Variants in SLC28A1 observed in about 807,000 individuals in gnomAD.
The protein encoded by SLC28A1 is sodium/nucleoside cotransporter 1.
In SLC28A1, 64 loss-of-function variants were observed where a neutral mutation model predicts 74.8. That is an observed-to-expected ratio of 0.86 (90% CI 0.70 to 1.05). The LOEUF (loss-of-function observed/expected upper bound fraction) is 1.05, where lower values mean the gene tolerates loss of function less well. Among genes scored for constraint, SLC28A1 ranks in the 50% least tolerant of loss-of-function variants. The pLI, the probability that SLC28A1 is intolerant of heterozygous loss-of-function variation, is 0.00. For missense variants in SLC28A1, 828 were observed against 822.8 expected, an observed-to-expected ratio of 1.01 and a Z score of -0.08; for synonymous variants, 359 against 335.0, an observed-to-expected ratio of 1.07 and a Z score of -0.78.
At chr15:84,973,046 GCTGACAAGGCCCTGCATGGT>G in the SLC28A1 span, among the ~76,000 whole-genome samples, 63 of 149,878 alleles carry the variant, frequency 4.2e-4, no homozygotes, top group African/African-American at 1.6e-3. Flanking sequence ...CCTTGTCATG[GCTGACAAGGCCCTGCATGGT>G]CTGACTTTAT....
At chr15:84,921,794 C>A (rs1437316458) in intron 11 of SLC28A1, among the ~76,000 whole-genome samples, 1 of 151,948 alleles carries the variant, frequency 6.6e-6, no homozygotes, top group African/African-American at 2.4e-5. Context: ...TGTTTTTAGC[C>A]GATGAAGATA....
rs200612003 is a variant in SLC28A1, at chr15:84,944,591, C to T, written c.1689C>T (p.Ser563=). ...GLTSMVPQRK[S]DFSQIVLRAL... ...CCTCCATGGTCCCCCAACGGAAGAG[C>T]GACTTCTCCCAGATAGTGCTCCGGG... The change falls in exon 17 of 19, where the codon AGC becomes AGT. Residue 563 remains serine, a synonymous_variant. Coordinates refer to ENST00000394573, the MANE Select transcript of SLC28A1 (RefSeq NM_004213.5). The T allele has an allele frequency of 3.8e-5, 62 of 1,613,792 alleles. No individual in the cohort carries two copies. In the East Asian group the frequency reaches 5.8e-4, roughly 15 times the overall value.
chr15:84,946,549 G>A (rs1411702219), downstream of SLC28A1, among the ~76,000 whole-genome samples: 1 of 152,098 alleles, frequency 6.6e-6, no homozygotes, highest in East Asian at 1.9e-4. Context: ...GGCAGGATTT[G>A]AGCCAGGCCA....
downstream of SLC28A1, among the ~76,000 whole-genome samples, chr15:84,950,319 G>A (rs138609096): frequency 2.2e-3 from 324 of 150,204 alleles, 2 homozygotes; most frequent in African/African-American, 7.2e-3. Context: ...CACTTGACCC[G>A]TGTAGAAAGA....
the SLC28A1 span, among the ~76,000 whole-genome samples, chr15:84,974,508 T>C: frequency 6.6e-6 from 1 of 152,182 alleles, no homozygotes; most frequent in African/African-American, 2.4e-5. Flanking sequence ...GGCAGGGGTT[T>C]GGGGAGGTGT....
At position 84,932,478 on chromosome 15, in the gene SLC28A1, TG is replaced by T. The variant is rs572796978; in HGVS notation, c.1084-665del. ...CAGAAGGAGACTGAGGGTCAAACGG[TG>T]GCTGTCATAGAGGCAGATTTCCTGA... On this transcript the variant is annotated intron_variant, in intron 12 of 18. Coordinates refer to ENST00000394573, the MANE Select transcript of SLC28A1 (RefSeq NM_004213.5). Among the ~76,000 whole-genome samples, 12 of 152,294 alleles carry T rather than the reference TG, an allele frequency of 7.9e-5. No individual in the cohort carries two copies. In the South Asian group the frequency reaches 2.5e-3, roughly 32 times the overall value.
intron 9 of SLC28A1, among the ~76,000 whole-genome samples, chr15:84,916,900 C>G (rs370957421): frequency 1.3e-5 from 2 of 151,816 alleles, no homozygotes; most frequent in Non-Finnish European, 2.9e-5. Flanking sequence ...TGGCAGCAAG[C>G]GCCTGTAATC....
At position 84,940,124 on chromosome 15, in the gene SLC28A1, G is replaced by T. The variant is rs74923527; in HGVS notation, c.1582-3321G>T. ...ATTACAGGCATGAGCCACCACGCCC[G>T]GCTCCAGTGGTGTTTAGTTAACAAA... On this transcript the variant is annotated intron_variant, in intron 15 of 18. Transcript: ENST00000394573. Among the ~76,000 whole-genome samples, 447 of 152,222 alleles carry T rather than the reference G, an allele frequency of 2.9e-3. 16 individuals are homozygous for T. In the East Asian group the frequency reaches 0.072, roughly 25 times the overall value.
chr15:84,895,788 A>G lies in SLC28A1; in HGVS notation c.461+665A>G, dbSNP rs1026527804. The G allele has an allele frequency of 1.2e-5, 14 of 1,180,034 alleles. 2 individuals carry two copies. The highest frequency in any genetic ancestry group is 3.7e-4 in the Middle Eastern group (1 of 2,710). The allele number at this position is 1,180,034 out of a possible 1,614,324, so 73.1% of individuals were successfully genotyped here. On this transcript the variant is annotated intron_variant, in intron 6 of 18. Transcript: ENST00000394573. ...AAAACAGTTTCTATGGCTTAAAAAA[A>G]AGTCTGAAGACCACCAGTCTATTTC...
chr15:84,926,563 T>G (rs1232867638), intron 12 of SLC28A1: 1 of 454,570 alleles, frequency 2.2e-6, no homozygotes, highest in African/African-American at 2.0e-5. Context: ...GATATAGGGA[T>G]ATTCTCACAA....
chr15:84,927,746 G>T (rs907396870), intron 12 of SLC28A1, among the ~76,000 whole-genome samples: 1 of 152,278 alleles, frequency 6.6e-6, no homozygotes, highest in South Asian at 2.1e-4. Flanking sequence ...AAGGAGAATT[G>T]GACTGATAAA....
the SLC28A1 span, chr15:84,975,433 C>T: frequency 4.0e-5 from 18 of 454,946 alleles, 1 homozygote; most frequent in South Asian, 2.0e-4. Context: ...ATAATAGCAG[C>T]GATGGTTGTT....
At chr15:84,911,152 C>A (rs1349546422) in intron 9 of SLC28A1, among the ~76,000 whole-genome samples, 1 of 152,246 alleles carries the variant, frequency 6.6e-6, no homozygotes, top group Non-Finnish European at 1.5e-5. Flanking sequence ...CACTGGCCCG[C>A]GTCTCTCCTG....
chr15:84,891,180 A>C (rs1199273399), intron 5 of SLC28A1, among the ~76,000 whole-genome samples: 2 of 152,136 alleles, frequency 1.3e-5, no homozygotes, highest in African/African-American at 4.8e-5. Flanking sequence ...GGGACCCTGG[A>C]AGGAGGGCAG....
In SLC28A1 at chr15:84,944,592, G is replaced by A. The variant is rs1410913981; in HGVS notation, c.1690G>A (p.Asp564Asn). 5.6e-6 allele frequency: 9 copies of A among 1,613,836 alleles called. No individual in the cohort carries two copies. The highest frequency in any genetic ancestry group is 2.2e-5 in the East Asian group (1 of 44,894). The stretch of plus-strand genomic sequence containing the variant: ...CTCCATGGTCCCCCAACGGAAGAGC[G>A]ACTTCTCCCAGATAGTGCTCCGGGC... ...LTSMVPQRKSDFSQIVLRALF... is the reference protein window; with the variant it reads ...LTSMVPQRKSNFSQIVLRALF... Residue 564 changes from aspartate (D) to asparagine (N), a missense_variant, in exon 17 of 19, where the codon GAC becomes AAC. Asp to Asn is a conservative substitution (Grantham distance 23). Transcript: ENST00000394573.
intron 6 of SLC28A1, among the ~76,000 whole-genome samples, chr15:84,902,151 CT>C (rs1375465363): frequency 6.6e-6 from 1 of 152,110 alleles, no homozygotes; most frequent in Non-Finnish European, 1.5e-5. Flanking sequence ...AAACTTCTTT[CT>C]TTTCTTTTTT....
chr15:84,957,386 C>G, the SLC28A1 span, among the ~76,000 whole-genome samples: 10 of 152,302 alleles, frequency 6.6e-5, no homozygotes, highest in Middle Eastern at 3.4e-3. Context: ...TGTGCCTCAG[C>G]CTCCTGAGTG....
chr15:84,924,904 T>G lies in SLC28A1; in HGVS notation c.1083+794T>G, dbSNP rs748838803. ...TGATTTTATTTTTTATTAATTTTTT[T>G]TGTTTGTTTGTTTTTGAGACGGAGT... On this transcript the variant is annotated intron_variant, in intron 12 of 18. Coordinates refer to ENST00000394573, the MANE Select transcript of SLC28A1 (RefSeq NM_004213.5). Among the ~76,000 whole-genome samples the G allele has an allele frequency of 6.3e-3, 906 of 144,102 alleles. 7 individuals carry two copies. The highest frequency in any genetic ancestry group is 8.0e-3 in the Admixed American group (117 of 14,600). The allele number at this position is 144,102 out of a possible 152,430, so 94.5% of individuals were successfully genotyped here.
chr15:84,944,557 C>T lies in SLC28A1; in HGVS notation c.1664-9C>T. ...TTCCCAGGCCCTGAGCACTTCTGTCCCCTTGCAGCCTCCATGGTCCCCCAA... is the reference window on the plus strand; with the variant it reads ...TTCCCAGGCCCTGAGCACTTCTGTCTCCTTGCAGCCTCCATGGTCCCCCAA... On this transcript the variant is annotated splice_polypyrimidine_tract_variant and intron_variant, in intron 16 of 18. Transcript: ENST00000394573. 1.2e-6 allele frequency: 2 copies of T among 1,604,910 alleles called. No homozygotes were observed. Among genetic ancestry groups the T allele is most frequent in the Non-Finnish European group, 1.7e-6 (2 of 1,171,892 alleles).
Sources: allele counts gnomAD v4.1 joint callset (sites outside exome capture counted in the v4.1 genomes callset), GRCh38; gene constraint gnomAD v4.1.1; transcripts MANE v1.5; gene names NCBI Gene and HGNC (gene_info 2026-07-23, HGNC 2026-07-21).